The following XRN1 variants were observed in gnomAD, a reference collection of about 807,000 sequenced individuals.
XRN1 encodes the protein strand-exchange protein 1 homolog.
In XRN1, 67 loss-of-function variants were observed where a neutral mutation model predicts 222.3. The ratio of observed to expected loss-of-function variants is 0.30; its 90% CI spans 0.25 to 0.37. The LOEUF is 0.37. Among genes scored for constraint, XRN1 ranks in the 10% least tolerant of loss-of-function variants. XRN1 has a pLI of 1.00. For synonymous variants in XRN1, 643 were observed against 652.4 expected (o/e 0.99, Z 0.22); for missense variants, 1,707 against 2,000.2 (o/e 0.85, Z 2.80).
At chr3:142,381,015 C>CAA (rs10709053) in intron 22 of XRN1, among the ~76,000 whole-genome samples, 2 of 139,960 alleles carry the variant, frequency 1.4e-5, no homozygotes, top group African/African-American at 2.7e-5. Context: ...CAAAAAGTTG[C>CAA]AAAAAAAAAA....
intron 39 of XRN1, among the ~76,000 whole-genome samples, chr3:142,317,689 T>A (rs1002461927): frequency 6.6e-6 from 1 of 152,202 alleles, no homozygotes; most frequent in African/African-American, 2.4e-5. Context: ...GCACATAGAC[T>A]TTCAACCAAT....
At chr3:142,440,833 T>G (rs776170171) in intron 1 of XRN1, among the ~76,000 whole-genome samples, 2 of 152,200 alleles carry the variant, frequency 1.3e-5, no homozygotes, top group Non-Finnish European at 2.9e-5. Context: ...TCTCAATTCT[T>G]GTTTGCCTTT....
chr3:142,347,118 C>T (rs377064705), intron 33 of XRN1, 116 bp downstream of exon 33: 38 of 761,858 alleles, frequency 5.0e-5, no homozygotes, highest in South Asian at 1.1e-4. Context: ...AACCACTTAT[C>T]GTATACTTTA....
Position 142,307,321 on chromosome 3 carries a change from A to C in XRN1, c.*4190T>G, listed in dbSNP as rs1577190954. The C allele has an allele frequency of 6.6e-6, 1 of 152,238 alleles. No homozygotes were observed. Among genetic ancestry groups the C allele is most frequent in the Admixed American group, 6.5e-5 (1 of 15,294 alleles). 9.4% of individuals were successfully genotyped at this position (152,238 alleles called of 1,614,324 possible). A position where few individuals can be genotyped will look rare whatever the true frequency, so the allele number is the denominator to read the frequency against. ...TATTTGGCCTGGACAATTTAATAGT[A>C]TACCAACTGCTGAAACAACCAAGTG... On this transcript the variant is annotated 3_prime_UTR_variant, in exon 41 of 41. Coordinates refer to ENST00000392981, the MANE Select transcript of XRN1 (RefSeq NM_001282857.2).
At chr3:142,421,941 C>G (rs923339351) in intron 8 of XRN1, among the ~76,000 whole-genome samples, 1 of 152,252 alleles carries the variant, frequency 6.6e-6, no homozygotes, top group South Asian at 2.1e-4. Context: ...AAAATCACTG[C>G]TTCATAATAA....
intron 33 of XRN1, among the ~76,000 whole-genome samples, chr3:142,339,817 AAAAC>A (rs1412355040): frequency 1.3e-5 from 2 of 152,162 alleles, no homozygotes; most frequent in Non-Finnish European, 2.9e-5. Context: ...ACAAAAAACA[AAAAC>A]AAACAAACAA....
chr3:142,380,663 T>C (rs557862335), intron 22 of XRN1, among the ~76,000 whole-genome samples: 1 of 152,208 alleles, frequency 6.6e-6, no homozygotes, highest in African/African-American at 2.4e-5. Context: ...ACAATCATTT[T>C]TTTTTTTGGC....
chr3:142,329,057 C>G (rs1208559468), intron 37 of XRN1, among the ~76,000 whole-genome samples: 1 of 151,752 alleles, frequency 6.6e-6, no homozygotes, highest in Non-Finnish European at 1.5e-5. Flanking sequence ...TACAACTGGC[C>G]AATTTTTTTT....
At chr3:142,388,555 A>G (rs2067595608) in intron 20 of XRN1, among the ~76,000 whole-genome samples, 1 of 152,176 alleles carries the variant, frequency 6.6e-6, no homozygotes, top group Non-Finnish European at 1.5e-5. Context: ...TTAGTAGTTA[A>G]CTTTTTGTTA....
At position 142,426,776 on chromosome 3, in the gene XRN1, T is replaced by G; in HGVS notation, c.374A>C (p.Glu125Ala). The change falls in exon 3 of 41, where the codon GAG (glutamate) becomes GCG (alanine). Residue 125 changes from glutamate to alanine, a missense_variant. Around this residue, in one of 2 missense-constraint regions of XRN1, gnomAD observed 1,234 missense variants for 1,518.2 expected, o/e 0.81. Coordinates refer to ENST00000392981, the MANE Select transcript of XRN1 (RefSeq NM_001282857.2). ...AIEKGETLPT[E>A]ARFDSNCITP... is the part of the protein sequence containing the mutation. ...GATACAGTTGGAATCAAATCTGGCCTCTGTAGGAAGAGTTTCTCCCTTCTC... is the reference window on the plus strand; with the variant it reads ...GATACAGTTGGAATCAAATCTGGCCGCTGTAGGAAGAGTTTCTCCCTTCTC... 5 of 1,613,926 alleles carry G rather than the reference T, an allele frequency of 3.1e-6. No homozygotes were observed. The highest frequency in any genetic ancestry group is 3.4e-6 in the Non-Finnish European group (4 of 1,179,948).
intron 2 of XRN1, 134 bp from the exon 3 acceptor site, chr3:142,426,975 T>A: frequency 1.5e-6 from 1 of 650,090 alleles, no homozygotes; most frequent in South Asian, 2.1e-5. Flanking sequence ...ATACAAGTTT[T>A]GAAATGATTA....
At chr3:142,439,671 A>G (rs984176410) in intron 1 of XRN1, among the ~76,000 whole-genome samples, 1 of 152,118 alleles carries the variant, frequency 6.6e-6, no homozygotes. Context: ...AGCAAAACTT[A>G]GAAACTCTAC....
rs1470162789 is a variant in XRN1 at position 142,442,887 on chromosome 3, C to G, written c.75+4983G>C. Among the ~76,000 whole-genome samples the G allele has an allele frequency of 3.9e-5, 6 of 152,302 alleles. No homozygotes were observed. The South Asian group carries it at 1.0e-3, about 26-fold the overall frequency. On this transcript the variant is annotated intron_variant, in intron 1 of 40. Transcript: ENST00000392981. ...TAGCTGGGACTACGGGCGCCCAACA[C>G]GACGCCCGGCTAATTTTTTGTATTT...
At chr3:142,404,654 T>G (rs1360285303) in intron 16 of XRN1, among the ~76,000 whole-genome samples, 1 of 152,034 alleles carries the variant, frequency 6.6e-6, no homozygotes, top group African/African-American at 2.4e-5. Context: ...GAGAAAAAAT[T>G]CAAACACTTT....
chr3:142,392,329 T>C (rs1224314582), intron 20 of XRN1, among the ~76,000 whole-genome samples: 4 of 152,100 alleles, frequency 2.6e-5, no homozygotes, highest in East Asian at 3.9e-4. Flanking sequence ...CAATTTCTTT[T>C]TTTTTTTTTT....
At position 142,432,906 on chromosome 3, in the gene XRN1, G is replaced by A; in HGVS notation, c.76-13C>T. On this transcript the variant is annotated splice_polypyrimidine_tract_variant and intron_variant, in intron 1 of 40. Coordinates refer to ENST00000392981, the MANE Select transcript of XRN1 (RefSeq NM_001282857.2). ...CAAATTCAGGAATCTGAAAAACAAA[G>A]AAAAATGCTTGAGATCATTTATTTT... 1 of 1,577,302 alleles carries A rather than the reference G, an allele frequency of 6.3e-7. No homozygotes were observed. The highest frequency in any genetic ancestry group is 1.7e-5 in the Admixed American group (1 of 57,630).
chr3:142,346,134 A>G (rs2066137941), intron 33 of XRN1, among the ~76,000 whole-genome samples: 1 of 152,194 alleles, frequency 6.6e-6, no homozygotes, highest in Non-Finnish European at 1.5e-5. Flanking sequence ...AACAACCTCC[A>G]TGTCTACAAA....
At chr3:142,436,795 T>G (rs918982738) in intron 1 of XRN1, among the ~76,000 whole-genome samples, 2 of 152,170 alleles carry the variant, frequency 1.3e-5, no homozygotes, top group Middle Eastern at 3.2e-3. Flanking sequence ...AGTATCCTAT[T>G]TATAGGAAAT....
At chr3:142,359,249 C>G (rs1372677659) in intron 30 of XRN1, among the ~76,000 whole-genome samples, 1 of 152,142 alleles carries the variant, frequency 6.6e-6, no homozygotes, top group African/African-American at 2.4e-5. Flanking sequence ...AGTTAACTTT[C>G]TCCTTTCCTT....
Sources: gnomAD v4.1 joint callset for allele counts (sites outside exome capture counted in the v4.1 genomes callset) on GRCh38, gnomAD v4.1.1 for gene constraint, gnomAD v4.1.1 regional missense constraint, MANE v1.5 for transcripts, NCBI Gene and HGNC (gene_info 2026-07-23, HGNC 2026-07-21) for gene names.